The following ZFPM1 variants were observed in gnomAD, a reference collection of about 807,000 sequenced individuals.
The protein encoded by ZFPM1 is zinc finger protein ZFPM1.
ZFPM1 carries 28 observed loss-of-function variants against 46.3 expected under a neutral mutation model. The ratio of observed to expected loss-of-function variants is 0.60; its 90% CI spans 0.45 to 0.83. The LOEUF (loss-of-function observed/expected upper bound fraction) is 0.83, where lower values mean the gene tolerates loss of function less well. Ranked by LOEUF, ZFPM1 falls within the 40% of genes least tolerant of loss-of-function variation. The pLI is 0.00. For missense variants in ZFPM1, 1,878 were observed against 1,432.4 expected, an observed-to-expected ratio of 1.31 and a Z score of -5.02; for synonymous variants, 957 against 675.9, an observed-to-expected ratio of 1.42 and a Z score of -6.45.
chr16:88,535,140 T>C lies in ZFPM1; in HGVS notation c.*161T>C. 2 of 884,026 alleles carry C rather than the reference T, an allele frequency of 2.3e-6. No homozygotes were observed. Among genetic ancestry groups the C allele is most frequent in the Non-Finnish European group, 3.0e-6 (2 of 662,782 alleles). 54.8% of individuals were successfully genotyped at this position (884,026 alleles called of 1,614,324 possible). On this transcript the variant is annotated 3_prime_UTR_variant, in exon 10 of 10. Coordinates refer to ENST00000319555, the MANE Select transcript of ZFPM1 (RefSeq NM_153813.3). ...AGCGCCCGCCTGGACCCTTGGCACT[T>C]AATAAAGAAGTTCAGTTTGATGAGC...
At chr16:88,524,932 C>A (rs1461208849) in intron 4 of ZFPM1, among the ~76,000 whole-genome samples, 1 of 152,146 alleles carries the variant, frequency 6.6e-6, no homozygotes, top group Non-Finnish European at 1.5e-5. Context: ...GCACCCACCC[C>A]AGCCAGGGCA....
At chr16:88,489,679 G>T (rs1909447538) in intron 3 of ZFPM1, among the ~76,000 whole-genome samples, 1 of 152,220 alleles carries the variant, frequency 6.6e-6, no homozygotes, top group Non-Finnish European at 1.5e-5. Flanking sequence ...CACAGGGTGT[G>T]TCCTAGAGGG....
intron 4 of ZFPM1, 88 bp from the exon 5 acceptor site, chr16:88,526,726 G>T: frequency 7.1e-7 from 1 of 1,406,966 alleles, no homozygotes; most frequent in Non-Finnish European, 9.7e-7. Flanking sequence ...AGGCAGATCC[G>T]TGTCACAGAT....
Position 88,489,341 on chromosome 16 carries a change from C to T in ZFPM1, c.268+188C>T, listed in dbSNP as rs892487623. ...GGTGGTATCACTGGAGCTTGGCACC[C>T]TCGCGCCAATCCCGGGCCTCACGTG... On this transcript the variant is annotated intron_variant, in intron 3 of 9. Coordinates refer to ENST00000319555, the MANE Select transcript of ZFPM1 (RefSeq NM_153813.3). The T allele has an allele frequency of 4.3e-6, 4 of 929,046 alleles. No homozygotes were observed. In the African/African-American group the frequency reaches 5.1e-5, roughly 12 times the overall value. The allele number at this position is 929,046 out of a possible 1,614,324, so 57.6% of individuals were successfully genotyped here.
chr16:88,507,465 T>C (rs1321251830), intron 3 of ZFPM1, among the ~76,000 whole-genome samples: 3 of 152,218 alleles, frequency 2.0e-5, no homozygotes, highest in African/African-American at 7.2e-5. Flanking sequence ...ACACACTGAC[T>C]GACTAGTGCC....
intron 3 of ZFPM1, among the ~76,000 whole-genome samples, chr16:88,491,106 G>C (rs948109235): frequency 6.1e-5 from 9 of 146,510 alleles, no homozygotes; most frequent in South Asian, 4.7e-4. Context: ...GTGCCTTCGG[G>C]GGTCCCAGTC....
intron 1 of ZFPM1, among the ~76,000 whole-genome samples, chr16:88,474,492 C>T (rs1908581620): frequency 6.6e-6 from 1 of 152,180 alleles, no homozygotes; most frequent in Non-Finnish European, 1.5e-5. Flanking sequence ...AATAAAACCC[C>T]AGCTCCCTCC....
chr16:88,534,810 CCTA>C lies in ZFPM1; in HGVS notation c.2855_2857del (p.Tyr952del). The C allele has an allele frequency of 6.8e-7, 1 of 1,473,428 alleles. No homozygotes were observed. 91.3% of individuals were successfully genotyped at this position (1,473,428 alleles called of 1,614,324 possible). A position where few individuals can be genotyped will look rare whatever the true frequency, so the allele number is the denominator to read the frequency against. On this transcript the variant is annotated inframe_deletion, in exon 10 of 10. Coordinates refer to ENST00000319555, the MANE Select transcript of ZFPM1 (RefSeq NM_153813.3). ...GTGCCGCCCCCGCCGGCGCCCCCCT[CCTA>C]CTCGGACAAGGGCGTCCAGACTCCC...
chr16:88,488,908 G>A (rs1445499259), intron 2 of ZFPM1, 123 bp from the exon 3 acceptor site: 34 of 1,434,022 alleles, frequency 2.4e-5, no homozygotes, highest in Non-Finnish European at 3.1e-5. Context: ...GGAGATGGGG[G>A]TGGCTCTGGG....
chr16:88,463,800 C>G lies in ZFPM1; in HGVS notation c.40+10122C>G, dbSNP rs144046565. Among the ~76,000 whole-genome samples, 353 of 152,354 alleles carry G rather than the reference C, an allele frequency of 2.3e-3. 3 individuals carry two copies. Among genetic ancestry groups the G allele is most frequent in the African/African-American group, 8.2e-3 (341 of 41,588 alleles). On this transcript the variant is annotated intron_variant, in intron 1 of 9. Coordinates refer to ENST00000319555, the MANE Select transcript of ZFPM1 (RefSeq NM_153813.3). ...TCAGGCTGAGGAAACTGAGGCCTTC[C>G]TGTGTCTCTAGGCAGATCCAGCTCT...
chr16:88,523,283 G>A (rs901410320), intron 4 of ZFPM1, among the ~76,000 whole-genome samples: 1 of 152,106 alleles, frequency 6.6e-6, no homozygotes, highest in Non-Finnish European at 1.5e-5. Flanking sequence ...GGAAGGGCCT[G>A]CAGCACCAGA....
chr16:88,453,915 C>T (rs1032991854), intron 1 of ZFPM1, among the ~76,000 whole-genome samples: 1 of 151,896 alleles, frequency 6.6e-6, no homozygotes, highest in Non-Finnish European at 1.5e-5. Flanking sequence ...GCCCGGAGGC[C>T]GGGAGGAGGG....
chr16:88,468,073 C>G (rs1402551626), intron 1 of ZFPM1, among the ~76,000 whole-genome samples: 10 of 129,736 alleles, frequency 7.7e-5, no homozygotes, highest in Non-Finnish European at 1.2e-4. Flanking sequence ...CCGCCCCGAC[C>G]CACCCGCGAG....
At chr16:88,490,116 C>T (rs1232385063) in intron 3 of ZFPM1, among the ~76,000 whole-genome samples, 2 of 151,556 alleles carry the variant, frequency 1.3e-5, no homozygotes, top group African/African-American at 2.4e-5. Context: ...TGCAATGGCG[C>T]GATCTCGGCT....
intron 3 of ZFPM1, among the ~76,000 whole-genome samples, chr16:88,512,012 T>G (rs1463156841): frequency 6.6e-6 from 1 of 152,228 alleles, no homozygotes; most frequent in African/African-American, 2.4e-5. Context: ...TGGTGGGTTC[T>G]GCCCCTGGGC....
At chr16:88,462,956 A>G (rs1421867693) in intron 1 of ZFPM1, among the ~76,000 whole-genome samples, 1 of 152,044 alleles carries the variant, frequency 6.6e-6, no homozygotes, top group Non-Finnish European at 1.5e-5. Context: ...CCACACAAAC[A>G]GGGCAGGGGC....
In ZFPM1 at chr16:88,534,333, A is replaced by G; in HGVS notation, c.2375A>G (p.Asp792Gly). The G allele has an allele frequency of 3.7e-6, 5 of 1,361,242 alleles. No homozygotes were observed. Among genetic ancestry groups the G allele is most frequent in the Non-Finnish European group, 4.7e-6 (5 of 1,058,612 alleles). The allele number at this position is 1,361,242 out of a possible 1,614,324, so 84.3% of individuals were successfully genotyped here. A position where few individuals can be genotyped will look rare whatever the true frequency, so the allele number is the denominator to read the frequency against. ...APARSPGPAADGPIDLSKKPR... is the reference protein window; with the variant it reads ...APARSPGPAAGGPIDLSKKPR... ...GCGCGCTCGCCCGGCCCCGCGGCCG[A>G]CGGCCCCATCGACCTGAGCAAGAAG... Residue 792 changes from aspartate (D) to glycine (G), a missense_variant, in exon 10 of 10, where the codon GAC becomes GGC. Physicochemically the swap from Asp to Gly is moderately conservative, Grantham distance 94. Transcript: ENST00000319555.
intron 3 of ZFPM1, among the ~76,000 whole-genome samples, chr16:88,505,605 C>T (rs1292158456): frequency 6.6e-5 from 10 of 152,152 alleles, no homozygotes; most frequent in Non-Finnish European, 1.3e-4. Flanking sequence ...GGTCCTGGCA[C>T]GGTGCCATGT....
At chr16:88,503,145 C>T (rs1285909707) in intron 3 of ZFPM1, among the ~76,000 whole-genome samples, 2 of 152,124 alleles carry the variant, frequency 1.3e-5, no homozygotes, top group Admixed American at 6.5e-5. Flanking sequence ...TGGGGACCCC[C>T]GTGGGTCCTG....
Sources: gnomAD v4.1 joint callset for allele counts (sites outside exome capture counted in the v4.1 genomes callset) on GRCh38, gnomAD v4.1.1 for gene constraint, MANE v1.5 for transcripts, NCBI Gene and HGNC (gene_info 2026-07-23, HGNC 2026-07-21) for gene names.